LCMT1: variants seen among roughly 807,000 people sequenced by gnomAD.
LCMT1 encodes the protein leucine carboxyl methyltransferase 1, also known as [Phosphatase 2A protein]-leucine-carboxy methyltransferase 1.
A neutral mutation model predicts 47.7 loss-of-function variants in LCMT1; 32 were observed. The observed-to-expected ratio is 0.67, with a 90% CI of 0.51 to 0.90. The LOEUF (loss-of-function observed/expected upper bound fraction) is 0.90, where lower values mean the gene tolerates loss of function less well. Ranked by LOEUF, LCMT1 falls within the 40% of genes least tolerant of loss-of-function variation. The probability of loss-of-function intolerance (pLI) is 0.00; values close to 1 mark genes in which losing one functional copy is unlikely to be tolerated. For missense variants in LCMT1, 375 were observed against 415.2 expected (o/e 0.90, Z 0.84); for synonymous variants, 152 against 149.7 (o/e 1.02, Z -0.11).
At chr16:25,170,931 C>A in intron 9 of LCMT1, 126 bp downstream of exon 9, 1 of 691,322 alleles carries the variant, frequency 1.4e-6, no homozygotes, top group Non-Finnish European at 2.4e-6. Context: ...AAAAAACAAA[C>A]AAACAAATAA....
At chr16:25,154,392 G>C (rs2141686923) in intron 5 of LCMT1, among the ~76,000 whole-genome samples, 1 of 151,884 alleles carries the variant, frequency 6.6e-6, no homozygotes, top group South Asian at 2.1e-4. Context: ...ATTGGACTTT[G>C]GGACCTCTTG....
chr16:25,139,073 A>G (rs1960594293), intron 3 of LCMT1, among the ~76,000 whole-genome samples: 1 of 151,424 alleles, frequency 6.6e-6, no homozygotes. Flanking sequence ...CTGAGTAGCT[A>G]CTTTTTGTAT....
intron 1 of LCMT1, among the ~76,000 whole-genome samples, chr16:25,118,928 G>C (rs1001733701): frequency 6.6e-6 from 1 of 152,148 alleles, no homozygotes; most frequent in Non-Finnish European, 1.5e-5. Context: ...AGTGGGGTGG[G>C]AGCTGTTGGA....
intron 4 of LCMT1, chr16:25,143,204 A>G (rs972854302): frequency 3.3e-5 from 5 of 152,172 alleles, no homozygotes; most frequent in Admixed American, 6.5e-5. Flanking sequence ...GTCAGTGGTG[A>G]GGAAAGGCCT....
chr16:25,128,848 A>T (rs2141644945), intron 2 of LCMT1, among the ~76,000 whole-genome samples: 1 of 140,150 alleles, frequency 7.1e-6, no homozygotes, highest in South Asian at 2.6e-4. Flanking sequence ...CATAAATGGG[A>T]GTTGAACAGT....
chr16:25,151,698 T>G (rs1231182103), intron 5 of LCMT1, 83 bp downstream of exon 5: 20 of 702,238 alleles, frequency 2.8e-5, no homozygotes, highest in Middle Eastern at 2.4e-4. Context: ...TTGTGTTGGG[T>G]GTGTGTGTGT....
At chr16:25,137,527 C>T (rs1367174413) in intron 3 of LCMT1, among the ~76,000 whole-genome samples, 2 of 152,116 alleles carry the variant, frequency 1.3e-5, no homozygotes, top group Non-Finnish European at 2.9e-5. Flanking sequence ...TCACTGTAGC[C>T]TCCTCCTCCC....
intron 3 of LCMT1, among the ~76,000 whole-genome samples, chr16:25,138,461 G>T (rs528476569): frequency 6.6e-6 from 1 of 152,072 alleles, no homozygotes; most frequent in African/African-American, 2.4e-5. Flanking sequence ...GCGTGACTGG[G>T]TAGGGAGGGT....
In LCMT1 at chr16:25,152,765, T is replaced by G. The variant is rs80158169; in HGVS notation, c.466+1150T>G. Among the ~76,000 whole-genome samples, 1,044 of 152,276 alleles carry G rather than the reference T, an allele frequency of 6.9e-3. 7 individuals are homozygous for G. The highest frequency in any genetic ancestry group is 0.017 in the South Asian group (83 of 4,822). ...CCACGACTCTCTGGTATCTTACACT[T>G]GATCTGCTTCACTCAATTCTGCTAC... On this transcript the variant is annotated intron_variant, in intron 5 of 10. Coordinates refer to ENST00000399069, the MANE Select transcript of LCMT1 (RefSeq NM_016309.3).
intron 1 of LCMT1, among the ~76,000 whole-genome samples, chr16:25,122,434 G>A (rs9938338): frequency 0.24 from 36,916 of 152,020 alleles, 4,656 homozygotes; most frequent in East Asian, 0.35. Context: ...TCACCCTCCC[G>A]AGTAGCTGGA....
At chr16:25,175,160 G>A in intron 10 of LCMT1, 126 bp downstream of exon 10, 1 of 610,674 alleles carries the variant, frequency 1.6e-6, no homozygotes, top group Non-Finnish European at 2.9e-6. Context: ...TTCTTGTTTT[G>A]AGACAGGGTC....
rs1042254821 is a variant in LCMT1 at position 25,173,183 on chromosome 16, G to A, written c.885-1754G>A. Reference sequence around the variant, plus strand: ...TGAGTTGAGTGTCTGCTGTGTGCCCGGCACTTTTCTAAGCACCAGAGATAC... The same window carrying A: ...TGAGTTGAGTGTCTGCTGTGTGCCCAGCACTTTTCTAAGCACCAGAGATAC... On this transcript the variant is annotated intron_variant, in intron 9 of 10. Transcript: ENST00000399069. 3.9e-5 allele frequency among the ~76,000 whole-genome samples: 6 copies of A among 152,182 alleles called. No homozygotes were observed. The East Asian group carries it at 1.2e-3, about 29-fold the overall frequency.
intron 1 of LCMT1, among the ~76,000 whole-genome samples, chr16:25,120,753 T>G (rs1471328295): frequency 1.7e-4 from 19 of 111,978 alleles, no homozygotes; most frequent in Non-Finnish European, 2.5e-4. Flanking sequence ...TTTTTTTTTG[T>G]TTTTTTTTTT....
intron 7 of LCMT1, among the ~76,000 whole-genome samples, 189 bp from the exon 8 acceptor site, chr16:25,168,923 C>G (rs1269093015): frequency 6.6e-6 from 1 of 152,180 alleles, no homozygotes; most frequent in East Asian, 1.9e-4. Flanking sequence ...CCCAGTTTCC[C>G]TTCCAGGGCT....
intron 1 of LCMT1, among the ~76,000 whole-genome samples, chr16:25,125,415 G>A (rs751832594): frequency 2.6e-5 from 4 of 152,154 alleles, no homozygotes; most frequent in Admixed American, 1.3e-4. Flanking sequence ...CATTGTGTAC[G>A]CATGTGTTTC....
At chr16:25,176,000 C>T (rs191827882) in intron 10 of LCMT1, among the ~76,000 whole-genome samples, 40 of 152,254 alleles carry the variant, frequency 2.6e-4, no homozygotes, top group African/African-American at 8.4e-4. Context: ...TTTGTCTTTT[C>T]CATCCACTTA....
chr16:25,161,819 A>G (rs997613800), intron 6 of LCMT1, among the ~76,000 whole-genome samples: 4 of 87,366 alleles, frequency 4.6e-5, no homozygotes, highest in Non-Finnish European at 9.9e-5. Context: ...AGCTACTATT[A>G]AAAAAAAAAA....
At chr16:25,123,600 C>CTTTTTTTTT (rs1173228613) in intron 1 of LCMT1, among the ~76,000 whole-genome samples, 4 of 63,488 alleles carry the variant, frequency 6.3e-5, no homozygotes, top group Admixed American at 2.3e-4. Context: ...AAATTGCTTT[C>CTTTTTTTTT]TTTTTTTTTT....
intron 1 of LCMT1, among the ~76,000 whole-genome samples, chr16:25,123,711 G>A (rs576067678): frequency 2.7e-5 from 4 of 146,230 alleles, no homozygotes; most frequent in Admixed American, 7.0e-5. Flanking sequence ...GGGTTCAAGC[G>A]ATTCTCCTGC....
Sources: allele counts gnomAD v4.1 joint callset (sites outside exome capture counted in the v4.1 genomes callset), GRCh38; gene constraint gnomAD v4.1.1; transcripts MANE v1.5; gene names NCBI Gene and HGNC (gene_info 2026-07-23, HGNC 2026-07-21).